Variants in CGNL1 observed in about 807,000 individuals in gnomAD.
CGNL1 encodes cingulin like 1.
A neutral mutation model predicts 141.2 loss-of-function variants in CGNL1; 132 were observed. The ratio of observed to expected loss-of-function variants is 0.93; its 90% CI spans 0.81 to 1.08. The LOEUF is 1.08. Ranked by LOEUF, CGNL1 falls within the 50% of genes least tolerant of loss-of-function variation. CGNL1 has a pLI of 0.00. For synonymous variants in CGNL1, 690 were observed against 622.1 expected (o/e 1.11, Z -1.63); for missense variants, 1,870 against 1,588.6 (o/e 1.18, Z -3.01).
rs773538446 is a variant in CGNL1 at position 57,438,067 on chromosome 15, GTGA to G, written c.73_75del (p.Asp25del). The G allele has an allele frequency of 3.4e-5, 55 of 1,614,084 alleles. No individual in the cohort carries two copies. In the African/African-American group the frequency reaches 6.8e-4, roughly 20 times the overall value. ...TATGGGGTCCATCTGAGACTCGCAAGTGATGATACCCAAAAATCAAGGAGTTCC... is the reference window on the plus strand; with the variant it reads ...TATGGGGTCCATCTGAGACTCGCAAGTGATACCCAAAAATCAAGGAGTTCC... On this transcript the variant is annotated inframe_deletion, in exon 2 of 19. Coordinates refer to ENST00000281282, the MANE Select transcript of CGNL1 (RefSeq NM_032866.5).
intron 13 of CGNL1, 134 bp downstream of exon 13, chr15:57,528,949 G>A (rs1430051187): frequency 3.3e-6 from 3 of 908,868 alleles, no homozygotes; most frequent in Middle Eastern, 7.0e-4. Context: ...GCTGGGTGTA[G>A]TGAGGTTATT....
intron 1 of CGNL1, among the ~76,000 whole-genome samples, chr15:57,437,618 GCAAAAAAAAA>G (rs1353310209): frequency 3.9e-4 from 3 of 7,616 alleles, no homozygotes; most frequent in African/African-American, 7.0e-4. Context: ...CAACTAAACA[GCAAAAAAAAA>G]AAAAAAAAAA....
intron 8 of CGNL1, among the ~76,000 whole-genome samples, chr15:57,463,964 C>A (rs117162065): frequency 6.6e-6 from 1 of 152,274 alleles, no homozygotes; most frequent in East Asian, 1.9e-4. Flanking sequence ...TCTGCGGAAC[C>A]CTGGCCATTC....
At chr15:57,384,738 T>C (rs2062463617) in intron 1 of CGNL1, among the ~76,000 whole-genome samples, 5 of 152,222 alleles carry the variant, frequency 3.3e-5, no homozygotes. Flanking sequence ...ACGAGACCTC[T>C]TTACTGACCT....
Position 57,451,529 on chromosome 15 carries a change from T to G in CGNL1, c.1833T>G (p.Asp611Glu), listed in dbSNP as rs1366812169. Residue 611 changes from aspartate (D) to glutamate (E), a missense_variant, in exon 5 of 19, where the codon GAT becomes GAG. Coordinates refer to ENST00000281282, the MANE Select transcript of CGNL1 (RefSeq NM_032866.5). ...GTAATTCCACATCTGAAGTCAAAGA[T>G]CTATTGGAACAGAAAAGCAAGTTGA... ...QACNSTSEVKDLLEQKSKLTI... is the reference protein window; with the variant it reads ...QACNSTSEVKELLEQKSKLTI... 1 of 1,612,918 alleles carries G rather than the reference T, an allele frequency of 6.2e-7. No individual in the cohort carries two copies. Among genetic ancestry groups the G allele is most frequent in the East Asian group, 2.2e-5 (1 of 44,852 alleles).
intron 7 of CGNL1, among the ~76,000 whole-genome samples, chr15:57,459,716 CTTT>C (rs138541571): frequency 1.3e-5 from 2 of 152,148 alleles, no homozygotes; most frequent in Non-Finnish European, 2.9e-5. Context: ...GCAGAACTAA[CTTT>C]TTGGTTATGA....
chr15:57,479,288 C>T (rs1445799765), intron 8 of CGNL1, among the ~76,000 whole-genome samples: 1 of 152,084 alleles, frequency 6.6e-6, no homozygotes, highest in African/African-American at 2.4e-5. Flanking sequence ...AAAAAGGGGT[C>T]ATGGGAAAGG....
At chr15:57,518,644 C>A (rs2031021703) in intron 10 of CGNL1, 147 bp downstream of exon 10, 2 of 626,908 alleles carry the variant, frequency 3.2e-6, no homozygotes, top group South Asian at 3.9e-5. Flanking sequence ...TTTGAACTAT[C>A]CGTCTAGACC....
At chr15:57,511,778 T>G (rs2030327975) in intron 8 of CGNL1, among the ~76,000 whole-genome samples, 1 of 152,220 alleles carries the variant, frequency 6.6e-6, no homozygotes, top group African/African-American at 2.4e-5. Flanking sequence ...TTTCAACTTT[T>G]TGGAGTGGCA....
intron 10 of CGNL1, 152 bp downstream of exon 10, chr15:57,518,649 T>A: frequency 1.6e-6 from 1 of 625,582 alleles, no homozygotes; most frequent in Non-Finnish European, 2.8e-6. Flanking sequence ...ACTATCCGTC[T>A]AGACCAGCGA....
At chr15:57,534,561 A>G (rs2032143166) in intron 14 of CGNL1, among the ~76,000 whole-genome samples, 1 of 152,178 alleles carries the variant, frequency 6.6e-6, no homozygotes, top group African/African-American at 2.4e-5. Flanking sequence ...GTATAGACAG[A>G]TGGGCCCTGA....
chr15:57,390,754 A>T (rs1009670525), intron 1 of CGNL1, among the ~76,000 whole-genome samples: 1 of 152,086 alleles, frequency 6.6e-6, no homozygotes, highest in South Asian at 2.1e-4. Context: ...GACATTGATC[A>T]TATCCTTTCA....
At chr15:57,424,028 C>A (rs2062946431) in intron 1 of CGNL1, among the ~76,000 whole-genome samples, 1 of 152,208 alleles carries the variant, frequency 6.6e-6, no homozygotes, top group Non-Finnish European at 1.5e-5. Flanking sequence ...TTATTGGTGA[C>A]TTCTCGCCCC....
At chr15:57,468,424 G>GT (rs1243551316) in intron 8 of CGNL1, among the ~76,000 whole-genome samples, 1 of 151,452 alleles carries the variant, frequency 6.6e-6, no homozygotes, top group Non-Finnish European at 1.5e-5. Context: ...TAAAGACAGG[G>GT]TTTTACCACG....
At chr15:57,518,329 A>C in intron 9 of CGNL1, 64 bp from the exon 10 acceptor site, 1 of 1,215,508 alleles carries the variant, frequency 8.2e-7, no homozygotes, top group Middle Eastern at 1.9e-4. Flanking sequence ...ATTTAATTCC[A>C]TTGAGTCAGT....
chr15:57,538,318 G>C (rs1319900), intron 14 of CGNL1, among the ~76,000 whole-genome samples: 29,687 of 152,234 alleles, frequency 0.2, 3,326 homozygotes, highest in East Asian at 0.49. Flanking sequence ...TGCAAAGACT[G>C]AAGGAAATGG....
At chr15:57,524,896 C>A in intron 12 of CGNL1, 145 bp downstream of exon 12, 1 of 824,128 alleles carries the variant, frequency 1.2e-6, no homozygotes, top group Non-Finnish European at 1.9e-6. Context: ...GGATGGGTTC[C>A]GTGGGCAAAT....
At chr15:57,460,343 C>T (rs1041059973) in intron 7 of CGNL1, among the ~76,000 whole-genome samples, 6 of 152,090 alleles carry the variant, frequency 3.9e-5, no homozygotes, top group African/African-American at 9.7e-5. Flanking sequence ...AGTGAATGGG[C>T]AGTTGTGAAG....
chr15:57,528,750 G>A lies in CGNL1; in HGVS notation c.3136G>A (p.Glu1046Lys), dbSNP rs372428898. 6.2e-6 allele frequency: 10 copies of A among 1,614,074 alleles called. No homozygotes were observed. Among genetic ancestry groups the A allele is most frequent in the Non-Finnish European group, 7.6e-6 (9 of 1,180,036 alleles). ...QLLEQTLKDL[E>K]YELEAKSHLK... ...TCTGGAGCAGACGCTGAAGGACCTG[G>A]AGTATGAGCTGGAAGCCAAGAGTCA... Residue 1046 changes from glutamate (E) to lysine (K), a missense_variant, in exon 13 of 19, where the codon GAG becomes AAG. Physicochemically the swap from Glu to Lys is moderately conservative, Grantham distance 56. Coordinates refer to ENST00000281282, the MANE Select transcript of CGNL1 (RefSeq NM_032866.5).
Sources: allele counts gnomAD v4.1 joint callset (sites outside exome capture counted in the v4.1 genomes callset), GRCh38; gene constraint gnomAD v4.1.1; transcripts MANE v1.5; gene names NCBI Gene and HGNC (gene_info 2026-07-23, HGNC 2026-07-21).